Variants in SYT16 observed in about 807,000 individuals in gnomAD.
The protein encoded by SYT16 is synaptotagmin-16.
Under a neutral mutation model 61.4 loss-of-function variants are expected in SYT16, and 42 were observed. That is an observed-to-expected ratio of 0.68 (90% CI 0.53 to 0.89). The LOEUF is 0.89. Among genes scored for constraint, SYT16 ranks in the 40% least tolerant of loss-of-function variants. SYT16 has a pLI of 0.00. For missense variants in SYT16, 804 were observed against 807.3 expected (o/e 1.00, Z 0.05); for synonymous variants, 314 against 302.3 (o/e 1.04, Z -0.40).
intron 1 of SYT16, among the ~76,000 whole-genome samples, chr14:61,876,851 T>G (rs1476540556): frequency 6.6e-6 from 1 of 152,198 alleles, no homozygotes; most frequent in East Asian, 1.9e-4. Context: ...CAGCCTGAGC[T>G]AGGGTGGGAA....
intron 3 of SYT16, among the ~76,000 whole-genome samples, chr14:62,028,138 T>A (rs549186183): frequency 1.3e-5 from 2 of 152,330 alleles, no homozygotes; most frequent in East Asian, 3.9e-4. Flanking sequence ...AGTTGTGTTA[T>A]GCCATTATAT....
chr14:61,998,675 A>C (rs1429874764), intron 3 of SYT16, among the ~76,000 whole-genome samples: 2 of 151,912 alleles, frequency 1.3e-5, no homozygotes, highest in Non-Finnish European at 1.5e-5. Context: ...GACTGATTAC[A>C]CTGGATAGGG....
chr14:62,001,999 C>T (rs1034771923), intron 3 of SYT16, among the ~76,000 whole-genome samples: 6 of 152,046 alleles, frequency 3.9e-5, no homozygotes, highest in African/African-American at 1.4e-4. Flanking sequence ...TGGCTTTTAA[C>T]ATATTAATCA....
intron 1 of SYT16, among the ~76,000 whole-genome samples, chr14:61,938,026 AACAC>A (rs3071213): frequency 3.5e-4 from 47 of 135,706 alleles, no homozygotes; most frequent in South Asian, 1.3e-3. Flanking sequence ...CCTACCCCGC[AACAC>A]ACACACACAC....
chr14:62,035,366 G>C (rs1261367237), intron 3 of SYT16, among the ~76,000 whole-genome samples: 1 of 152,060 alleles, frequency 6.6e-6, no homozygotes, highest in Non-Finnish European at 1.5e-5. Context: ...TAATTATTTG[G>C]TCAGACTATT....
chr14:61,940,790 TG>T (rs908200119), intron 1 of SYT16, among the ~76,000 whole-genome samples: 2 of 152,148 alleles, frequency 1.3e-5, no homozygotes, highest in African/African-American at 4.8e-5. Flanking sequence ...CACATAGTGG[TG>T]GGGCAGGCTT....
At chr14:61,837,921 G>A (rs2046184008) in intron 1 of SYT16, among the ~76,000 whole-genome samples, 1 of 152,216 alleles carries the variant, frequency 6.6e-6, no homozygotes, top group African/African-American at 2.4e-5. Context: ...AATAGGATTT[G>A]AAGAGATACT....
chr14:62,000,451 A>G (rs191661155), intron 3 of SYT16, among the ~76,000 whole-genome samples: 102 of 152,072 alleles, frequency 6.7e-4, no homozygotes, highest in Admixed American at 3.8e-3. Flanking sequence ...TTTATGTGGT[A>G]GGTTTCTAGT....
intron 3 of SYT16, among the ~76,000 whole-genome samples, chr14:62,062,487 A>G (rs536618324): frequency 5.3e-5 from 8 of 152,208 alleles, no homozygotes; most frequent in Non-Finnish European, 8.8e-5. Context: ...CTCCACGTCT[A>G]CGTTGGCATT....
intron 3 of SYT16, among the ~76,000 whole-genome samples, chr14:62,022,987 C>G (rs1309826575): frequency 1.3e-5 from 2 of 151,996 alleles, no homozygotes; most frequent in Admixed American, 1.3e-4. Context: ...TTTTAAAGTC[C>G]TTGTCTGATA....
chr14:62,078,766 G>A lies in SYT16; in HGVS notation c.994-2068G>A, dbSNP rs191848898. ...CTTCACATATATTGGTGTCAAGCAG[G>A]GTTCTGCAGCTGTCTAAGCCTTGGC... On this transcript the variant is annotated intron_variant, in intron 5 of 7. Transcript: ENST00000683842. Among the ~76,000 whole-genome samples, 31 of 152,274 alleles carry A rather than the reference G, an allele frequency of 2.0e-4. No homozygotes were observed. In the East Asian group the frequency reaches 6.0e-3, roughly 29 times the overall value.
intron 1 of SYT16, among the ~76,000 whole-genome samples, chr14:61,888,352 A>G (rs2047994537): frequency 6.6e-6 from 1 of 152,038 alleles, no homozygotes; most frequent in Non-Finnish European, 1.5e-5. Flanking sequence ...TCCTGATCTC[A>G]AGAGATCTGC....
At chr14:62,043,896 C>T (rs929024089) in intron 3 of SYT16, among the ~76,000 whole-genome samples, 2 of 151,018 alleles carry the variant, frequency 1.3e-5, no homozygotes, top group African/African-American at 4.9e-5. Flanking sequence ...TAGTTTAGAA[C>T]TCCTGGCCTC....
At chr14:62,009,304 T>C (rs922620383) in intron 3 of SYT16, among the ~76,000 whole-genome samples, 17 of 152,300 alleles carry the variant, frequency 1.1e-4, no homozygotes, top group Non-Finnish European at 1.9e-4. Context: ...AGATACATCA[T>C]GACATATCAA....
intron 1 of SYT16, among the ~76,000 whole-genome samples, chr14:61,917,709 G>A (rs967905264): frequency 2.6e-5 from 4 of 152,168 alleles, no homozygotes; most frequent in Non-Finnish European, 5.9e-5. Context: ...GCAAATGAGA[G>A]TCAGAACAAG....
chr14:61,979,780 G>A (rs1309886323), intron 2 of SYT16, among the ~76,000 whole-genome samples: 1 of 152,068 alleles, frequency 6.6e-6, no homozygotes, highest in Admixed American at 6.6e-5. Context: ...TACCCAGGAG[G>A]CTGAGGCCGG....
At chr14:62,059,165 C>A (rs566565345) in intron 3 of SYT16, among the ~76,000 whole-genome samples, 4 of 152,194 alleles carry the variant, frequency 2.6e-5, no homozygotes, top group East Asian at 1.9e-4. Flanking sequence ...TACAAAAAAA[C>A]CCCCATGACG....
chr14:61,929,884 G>A (rs2049696556), intron 1 of SYT16, among the ~76,000 whole-genome samples: 2 of 152,076 alleles, frequency 1.3e-5, no homozygotes, highest in Admixed American at 1.3e-4. Flanking sequence ...ATAGAGTGTA[G>A]CCTTTGCATA....
chr14:61,921,567 G>A (rs1026430320), intron 1 of SYT16, among the ~76,000 whole-genome samples: 2 of 152,176 alleles, frequency 1.3e-5, no homozygotes, highest in Non-Finnish European at 2.9e-5. Flanking sequence ...TCTTTCCTTA[G>A]AGGTCTATAT....
Sources: allele counts gnomAD v4.1 joint callset (sites outside exome capture counted in the v4.1 genomes callset), GRCh38; gene constraint gnomAD v4.1.1; transcripts MANE v1.5; gene names NCBI Gene and HGNC (gene_info 2026-07-23, HGNC 2026-07-21).